Variants in CACNG2 observed in about 807,000 individuals in gnomAD.
CACNG2 encodes the protein calcium voltage-gated channel auxiliary subunit gamma 2, also known as voltage-dependent calcium channel gamma-2 subunit.
Under a neutral mutation model 25.9 loss-of-function variants are expected in CACNG2, and 3 were observed. That is an observed-to-expected ratio of 0.12 (90% confidence interval 0.05 to 0.30). The LOEUF is 0.30. Among genes scored for constraint, CACNG2 ranks in the 10% least tolerant of loss-of-function variants. CACNG2 has a pLI of 1.00. For synonymous variants in CACNG2, 167 were observed against 173.3 expected (o/e 0.96, Z 0.29); for missense variants, 341 against 432.5 (o/e 0.79, Z 1.88).
At chr22:36,678,611 G>T (rs1937046430) in intron 1 of CACNG2, among the ~76,000 whole-genome samples, 1 of 136,450 alleles carries the variant, frequency 7.3e-6, no homozygotes, top group South Asian at 2.3e-4. Context: ...CCTTCCCCCA[G>T]CACATGCGAT....
chr22:36,669,265 G>T (rs1156806916), intron 1 of CACNG2, among the ~76,000 whole-genome samples: 2 of 152,036 alleles, frequency 1.3e-5, no homozygotes, highest in East Asian at 3.9e-4. Flanking sequence ...ACTTTGGGAG[G>T]CTGAGGTGGG....
intron 1 of CACNG2, among the ~76,000 whole-genome samples, chr22:36,652,663 C>T (rs1468939460): frequency 6.6e-6 from 1 of 152,084 alleles, no homozygotes; most frequent in Non-Finnish European, 1.5e-5. Context: ...GACTCTTTTG[C>T]CCATGACACT....
At chr22:36,702,249 G>C (rs1937419278) in intron 1 of CACNG2, 117 bp downstream of exon 1, 1 of 693,710 alleles carries the variant, frequency 1.4e-6, no homozygotes, top group Non-Finnish European at 2.5e-6. Flanking sequence ...GTGGTGGAAG[G>C]AGTGAACTAA....
At chr22:36,627,669 C>A (rs569931585) in intron 1 of CACNG2, among the ~76,000 whole-genome samples, 5 of 144,940 alleles carry the variant, frequency 3.4e-5, no homozygotes, top group Admixed American at 6.9e-5. Flanking sequence ...TTTAAAGAAA[C>A]TGGAGTGCAG....
At chr22:36,654,352 A>C (rs138752604) in intron 1 of CACNG2, among the ~76,000 whole-genome samples, 1 of 151,758 alleles carries the variant, frequency 6.6e-6, no homozygotes. Context: ...TGAAGCCTCA[A>C]CTTCATAGGA....
intron 2 of CACNG2, among the ~76,000 whole-genome samples, chr22:36,567,502 T>A (rs933654957): frequency 2.0e-4 from 30 of 151,120 alleles, no homozygotes; most frequent in Non-Finnish European, 2.9e-5. Context: ...AGATAAGGAC[T>A]GACAAACAGG....
chr22:36,653,488 G>A (rs763296268), intron 1 of CACNG2, among the ~76,000 whole-genome samples: 1 of 152,240 alleles, frequency 6.6e-6, no homozygotes, highest in Non-Finnish European at 1.5e-5. Flanking sequence ...GGGCTGCCCG[G>A]GCTGGGGCCT....
intron 1 of CACNG2, among the ~76,000 whole-genome samples, chr22:36,686,929 T>C (rs1228802948): frequency 2.0e-5 from 3 of 152,140 alleles, no homozygotes; most frequent in African/African-American, 7.2e-5. Context: ...AGAATAAAGG[T>C]TATCTTTTCC....
At chr22:36,667,897 C>T (rs1005891258) in intron 1 of CACNG2, among the ~76,000 whole-genome samples, 18 of 152,156 alleles carry the variant, frequency 1.2e-4, no homozygotes, top group African/African-American at 4.3e-4. Context: ...TAAAACAGTT[C>T]ATCCACGCTG....
chr22:36,630,123 G>T (rs1250601828), intron 1 of CACNG2, among the ~76,000 whole-genome samples: 1 of 152,194 alleles, frequency 6.6e-6, no homozygotes, highest in Non-Finnish European at 1.5e-5. Context: ...AAGGGGTCAT[G>T]TGGCCACAGA....
chr22:36,702,417 T>C lies in CACNG2; in HGVS notation c.160A>G (p.Asn54Asp), dbSNP rs1416685252. ...SVSENETSKK[N>D]EEVMTHSGLW... ...CCGGAATGGGTCATAACTTCCTCGT[T>C]CTTTTTGCTGGTTTCATTCTCACTG... The change falls in exon 1 of 4, where the codon AAC becomes GAC. Residue 54 changes from asparagine (N) to aspartate (D), a missense_variant. By Grantham distance (23) the Asn-to-Asp change is conservative. Coordinates refer to ENST00000300105, the MANE Select transcript of CACNG2 (RefSeq NM_006078.5). 1 of 1,614,134 alleles carries C rather than the reference T, an allele frequency of 6.2e-7. No individual in the cohort carries two copies. The highest frequency in any genetic ancestry group is 1.7e-5 in the Admixed American group (1 of 60,014).
chr22:36,609,926 C>T (rs1225971405), intron 1 of CACNG2, among the ~76,000 whole-genome samples: 1 of 150,686 alleles, frequency 6.6e-6, no homozygotes, highest in African/African-American at 2.4e-5. Flanking sequence ...GAAATCAACC[C>T]CCCAGAATAT....
intron 1 of CACNG2, among the ~76,000 whole-genome samples, chr22:36,632,517 T>TTC (rs1458565876): frequency 6.8e-6 from 1 of 147,268 alleles, no homozygotes; most frequent in African/African-American, 2.5e-5. Context: ...CTCTTCCCCC[T>TTC]TCTCTCTCTC....
intron 1 of CACNG2, among the ~76,000 whole-genome samples, chr22:36,683,262 G>C (rs1211928597): frequency 6.6e-6 from 1 of 152,234 alleles, no homozygotes; most frequent in Non-Finnish European, 1.5e-5. Context: ...CTTCTCAGCA[G>C]TTTAGGGTCT....
At chr22:36,622,254 G>C (rs1412323995) in intron 1 of CACNG2, among the ~76,000 whole-genome samples, 1 of 152,198 alleles carries the variant, frequency 6.6e-6, no homozygotes, top group African/African-American at 2.4e-5. Context: ...ACTTGAAATC[G>C]GCAGTTCTCA....
In CACNG2 at chr22:36,695,288, C is replaced by A. The variant is rs535737879; in HGVS notation, c.211+7078G>T. On this transcript the variant is annotated intron_variant, in intron 1 of 3. Coordinates refer to ENST00000300105, the MANE Select transcript of CACNG2 (RefSeq NM_006078.5). The stretch of plus-strand genomic sequence containing the variant: ...CTAATCCTTACAACAACTATAAAGG[C>A]AGGTATTTTTATCCCCATTCTGTAG... Among the ~76,000 whole-genome samples, 3 of 152,178 alleles carry A rather than the reference C, an allele frequency of 2.0e-5. No homozygotes were observed. In the East Asian group the frequency reaches 5.8e-4, roughly 29 times the overall value.
At chr22:36,663,038 TA>T (rs112291671) in intron 1 of CACNG2, among the ~76,000 whole-genome samples, 16,082 of 139,520 alleles carry the variant, frequency 0.12, 1,594 homozygotes, top group African/African-American at 0.33. Flanking sequence ...TAATAAGAGT[TA>T]AAAAAAAAAG....
chr22:36,660,471 C>G (rs1437933269), intron 1 of CACNG2, among the ~76,000 whole-genome samples: 1 of 152,276 alleles, frequency 6.6e-6, no homozygotes. Flanking sequence ...CATTCTCACT[C>G]TCTGTCTTGG....
At chr22:36,673,568 A>T (rs1464292509) in intron 1 of CACNG2, among the ~76,000 whole-genome samples, 1 of 152,110 alleles carries the variant, frequency 6.6e-6, no homozygotes, top group Non-Finnish European at 1.5e-5. Context: ...GGGGCACCGC[A>T]GGCAGGAGAG....
Sources: gnomAD v4.1 joint callset for allele counts (sites outside exome capture counted in the v4.1 genomes callset) on GRCh38, gnomAD v4.1.1 for gene constraint, MANE v1.5 for transcripts, NCBI Gene and HGNC (gene_info 2026-07-23, HGNC 2026-07-21) for gene names.